The following TCERG1L variants were observed in gnomAD, a reference collection of about 807,000 sequenced individuals.
TCERG1L encodes the protein transcription elongation regulator 1 like, also known as transcription elongation regulator 1-like protein.
In TCERG1L, 37 loss-of-function variants were observed where a neutral mutation model predicts 56.3. The observed-to-expected ratio is 0.66, with a 90% CI of 0.51 to 0.87. The LOEUF is 0.87. Ranked by LOEUF, TCERG1L falls within the 40% of genes least tolerant of loss-of-function variation. The pLI is 0.00. For synonymous variants in TCERG1L, 324 were observed against 326.3 expected, an observed-to-expected ratio of 0.99 and a Z score of 0.08; for missense variants, 799 against 774.2, an observed-to-expected ratio of 1.03 and a Z score of -0.38.
At chr10:131,275,352 G>C in intron 3 of TCERG1L, among the ~76,000 whole-genome samples, 1 of 152,200 alleles carries the variant, frequency 6.6e-6, no homozygotes, top group East Asian at 1.9e-4. Flanking sequence ...AAAATGGACA[G>C]GTACAAGGCG....
At chr10:131,272,187 A>C (rs990832460) in intron 3 of TCERG1L, among the ~76,000 whole-genome samples, 5 of 151,952 alleles carry the variant, frequency 3.3e-5, no homozygotes, top group African/African-American at 1.2e-4. Flanking sequence ...GCCTCCACAC[A>C]CAGCTCCACA....
chr10:131,147,147 A>T (rs1195833260), intron 6 of TCERG1L, among the ~76,000 whole-genome samples: 1 of 152,208 alleles, frequency 6.6e-6, no homozygotes, highest in Non-Finnish European at 1.5e-5. Flanking sequence ...CAGCAGAATT[A>T]AAAGGGCTGC....
At chr10:131,293,706 T>C (rs920243888) in intron 3 of TCERG1L, among the ~76,000 whole-genome samples, 1 of 152,204 alleles carries the variant, frequency 6.6e-6, no homozygotes, top group African/African-American at 2.4e-5. Flanking sequence ...CAGAAGCCCC[T>C]CTCAGGTTTA....
At chr10:131,203,458 A>T (rs1845468658) in intron 4 of TCERG1L, among the ~76,000 whole-genome samples, 1 of 152,182 alleles carries the variant, frequency 6.6e-6, no homozygotes, top group Admixed American at 6.5e-5. Context: ...CTGGTAGAAC[A>T]TCCAAGCTGG....
chr10:131,303,881 T>G (rs1158234230), intron 3 of TCERG1L, among the ~76,000 whole-genome samples: 1 of 152,130 alleles, frequency 6.6e-6, no homozygotes, highest in African/African-American at 2.4e-5. Context: ...TTCTTTTATC[T>G]ATTAAGATAG....
At position 131,147,175 on chromosome 10, in the gene TCERG1L, GCCCCGGTGT is replaced by G. The variant is rs1210485562; in HGVS notation, c.1035-524_1035-516del. On this transcript the variant is annotated intron_variant, in intron 6 of 11. Coordinates refer to ENST00000368642, the MANE Select transcript of TCERG1L (RefSeq NM_174937.4). ...AGGGCTGCTGTCATTAGCAACCACA[GCCCCGGTGT>G]CCTGCTCATTTGTGGATGGGCAAAT... Among the ~76,000 whole-genome samples the G allele has an allele frequency of 9.2e-5, 14 of 152,270 alleles. No individual in the cohort carries two copies. In the South Asian group the frequency reaches 2.9e-3, roughly 32 times the overall value.
intron 3 of TCERG1L, among the ~76,000 whole-genome samples, chr10:131,288,636 G>A (rs1304054801): frequency 6.6e-6 from 1 of 152,214 alleles, no homozygotes; most frequent in African/African-American, 2.4e-5. Context: ...ACTTGAAGTA[G>A]AATCTTTGCA....
intron 8 of TCERG1L, among the ~76,000 whole-genome samples, chr10:131,117,542 G>C (rs1309106980): frequency 1.3e-5 from 2 of 152,230 alleles, no homozygotes; most frequent in Admixed American, 1.3e-4. Context: ...CCCTGGAGAA[G>C]TTCCCTCCCA....
At chr10:131,132,596 C>T (rs973970789) in intron 8 of TCERG1L, among the ~76,000 whole-genome samples, 1 of 152,158 alleles carries the variant, frequency 6.6e-6, no homozygotes, top group African/African-American at 2.4e-5. Flanking sequence ...TCAGGAAGCT[C>T]ATCTTGTGTT....
At chr10:131,275,538 T>C (rs1564831446) in intron 3 of TCERG1L, among the ~76,000 whole-genome samples, 3 of 152,102 alleles carry the variant, frequency 2.0e-5, no homozygotes, top group South Asian at 2.1e-4. Context: ...CAGATTGCTG[T>C]GAATACCTGG....
Position 131,234,725 on chromosome 10 carries a change from G to A in TCERG1L, c.856+25534C>T, listed in dbSNP as rs534514270. 3.2e-4 allele frequency among the ~76,000 whole-genome samples: 46 copies of A among 145,994 alleles called. 2 individuals carry two copies. Among genetic ancestry groups the A allele is most frequent in the East Asian group, 2.6e-3 (12 of 4,596 alleles). ...TTGTTTTGTTGTGTTTTTTTGAGAC[G>A]GAGTCTTCTTGCTCTATCACCAGGC... On this transcript the variant is annotated intron_variant, in intron 4 of 11. Transcript: ENST00000368642.
chr10:131,293,327 T>C (rs1042055600), intron 3 of TCERG1L, among the ~76,000 whole-genome samples: 1 of 152,194 alleles, frequency 6.6e-6, no homozygotes, highest in Non-Finnish European at 1.5e-5. Context: ...TGCAGTGCTA[T>C]TTGACTGTGA....
intron 4 of TCERG1L, among the ~76,000 whole-genome samples, chr10:131,237,149 T>C (rs980523995): frequency 9.2e-5 from 14 of 152,036 alleles, no homozygotes; most frequent in African/African-American, 3.4e-4. Flanking sequence ...AGGCTTTCTG[T>C]GGGCCATTCC....
At chr10:131,192,087 T>C (rs4751342) in intron 4 of TCERG1L, among the ~76,000 whole-genome samples, 86,541 of 140,520 alleles carry the variant, frequency 0.62, 32,645 homozygotes, top group South Asian at 0.85. Context: ...CAGAGTAAAC[T>C]GACAACCCAC....
At chr10:131,193,952 A>G (rs1483794664) in intron 4 of TCERG1L, among the ~76,000 whole-genome samples, 1 of 152,244 alleles carries the variant, frequency 6.6e-6, no homozygotes, top group Non-Finnish European at 1.5e-5. Flanking sequence ...TTATGAAGAT[A>G]AAACCCCAGA....
intron 3 of TCERG1L, among the ~76,000 whole-genome samples, chr10:131,285,530 AAG>A (rs1491027846): frequency 1.6e-4 from 8 of 49,446 alleles, no homozygotes; most frequent in Non-Finnish European, 3.1e-4. Flanking sequence ...GAAAGAGAGA[AAG>A]AAAAGAAAAG....
rs561434062 is a variant in TCERG1L, at chr10:131,093,157, C to T, written c.*5G>A. ...CCCCCGGGCTTATTGCATTTTTTCACAAACTCATCTCATTTTCCGCAGCCT... is the reference window on the plus strand; with the variant it reads ...CCCCCGGGCTTATTGCATTTTTTCATAAACTCATCTCATTTTCCGCAGCCT... On this transcript the variant is annotated 3_prime_UTR_variant, in exon 12 of 12. Coordinates refer to ENST00000368642, the MANE Select transcript of TCERG1L (RefSeq NM_174937.4). The T allele has an allele frequency of 1.9e-6, 3 of 1,611,444 alleles. No individual in the cohort carries two copies. The highest frequency in any genetic ancestry group is 1.1e-5 in the South Asian group (1 of 90,614).
intron 4 of TCERG1L, among the ~76,000 whole-genome samples, chr10:131,203,937 G>A (rs983856833): frequency 4.0e-5 from 6 of 151,898 alleles, no homozygotes; most frequent in African/African-American, 7.2e-5. Context: ...GCATGAATAC[G>A]TGAGTCCCCA....
intron 3 of TCERG1L, among the ~76,000 whole-genome samples, chr10:131,280,427 A>C (rs1054683860): frequency 4.6e-5 from 7 of 151,768 alleles, no homozygotes; most frequent in Middle Eastern, 3.4e-3. Flanking sequence ...AGTTGGGAAG[A>C]CTGGAAGCAG....
Sources: allele counts gnomAD v4.1 joint callset (sites outside exome capture counted in the v4.1 genomes callset), GRCh38; gene constraint gnomAD v4.1.1; transcripts MANE v1.5; gene names NCBI Gene and HGNC (gene_info 2026-07-23, HGNC 2026-07-21).